Variants in PTPN1 observed in about 807,000 individuals in gnomAD.
PTPN1 encodes tyrosine-protein phosphatase non-receptor type 1.
In PTPN1, 12 loss-of-function variants were observed where a neutral mutation model predicts 59.9. The observed-to-expected ratio is 0.20, with a 90% CI of 0.13 to 0.32. The LOEUF (loss-of-function observed/expected upper bound fraction) is 0.32. Among genes scored for constraint, PTPN1 ranks in the 10% least tolerant of loss-of-function variants. The probability of loss-of-function intolerance (pLI) is 1.00; values close to 1 mark genes in which losing one functional copy is unlikely to be tolerated. For missense variants in PTPN1, 356 were observed against 549.2 expected, an observed-to-expected ratio of 0.65 and a Z score of 3.52; for synonymous variants, 178 against 203.6, an observed-to-expected ratio of 0.87 and a Z score of 1.07.
chr20:50,570,111 A>G (rs951334005), intron 4 of PTPN1, among the ~76,000 whole-genome samples: 4 of 152,262 alleles, frequency 2.6e-5, no homozygotes, highest in South Asian at 2.1e-4. Flanking sequence ...AAAAAAGCAC[A>G]GTCATGGCCC....
chr20:50,542,142 C>G (rs2082655887), intron 1 of PTPN1, among the ~76,000 whole-genome samples: 1 of 152,362 alleles, frequency 6.6e-6, no homozygotes, highest in East Asian at 1.9e-4. Flanking sequence ...GTGGTCTTCA[C>G]TCTGAAGGTG....
At chr20:50,567,191 G>C (rs1294474888) in intron 3 of PTPN1, among the ~76,000 whole-genome samples, 1 of 152,196 alleles carries the variant, frequency 6.6e-6, no homozygotes, top group Non-Finnish European at 1.5e-5. Context: ...ACTTTGGGAG[G>C]CTGAAGCAGG....
At chr20:50,512,174 C>A (rs2082510571) in intron 1 of PTPN1, among the ~76,000 whole-genome samples, 1 of 152,120 alleles carries the variant, frequency 6.6e-6, no homozygotes, top group African/African-American at 2.4e-5. Context: ...TGAATGAATT[C>A]CATAAGGGAC....
chr20:50,544,299 T>A (rs1340263009), intron 1 of PTPN1, among the ~76,000 whole-genome samples: 3 of 152,034 alleles, frequency 2.0e-5, no homozygotes, highest in Non-Finnish European at 4.4e-5. Context: ...CACAGACATG[T>A]ACCACCACAC....
In PTPN1 at chr20:50,574,621, T is replaced by C. The variant is rs773648972; in HGVS notation, c.459T>C (p.Tyr153=). The C allele has an allele frequency of 6.2e-7, 1 of 1,607,560 alleles. No individual in the cohort carries two copies. Among genetic ancestry groups the C allele is most frequent in the Non-Finnish European group, 8.5e-7 (1 of 1,178,000 alleles). ...TCTCTGAAGATATCAAGTCATATTA[T>C]ACAGTGCGACAGCTAGAATTGGAAA... ...TLISEDIKSY[Y]TVRQLELENL... Residue 153 remains tyrosine (Y), a synonymous_variant, in exon 5 of 10, where the codon TAT becomes TAC. Coordinates refer to ENST00000371621, the MANE Select transcript of PTPN1 (RefSeq NM_002827.4).
chr20:50,515,071 C>T (rs964869237), intron 1 of PTPN1, among the ~76,000 whole-genome samples: 1 of 152,240 alleles, frequency 6.6e-6, no homozygotes, highest in African/African-American at 2.4e-5. Context: ...CCCATCATCA[C>T]TAGAGTAATT....
chr20:50,579,865 G>C lies in PTPN1; in HGVS notation c.1027G>C (p.Asp343His). Residue 343 changes from aspartate (D) to histidine (H), a missense_variant, in exon 8 of 10, where the codon GAC becomes CAC. Asp to His is a moderately conservative substitution (Grantham distance 81). Transcript: ENST00000371621. ...WVKEETQEDKDCPIKEEKGSP... is the reference protein window; with the variant it reads ...WVKEETQEDKHCPIKEEKGSP... ...GAAGGAAGAGACCCAGGAGGATAAA[G>C]ACTGCCCCATCAAGGAAGAAAAAGG... 6.2e-7 allele frequency: 1 copy of C among 1,614,202 alleles called. No homozygotes were observed. The highest frequency in any genetic ancestry group is 1.1e-5 in the South Asian group (1 of 91,086).
intron 1 of PTPN1, among the ~76,000 whole-genome samples, chr20:50,519,195 G>A (rs1161497873): frequency 6.6e-6 from 1 of 152,146 alleles, no homozygotes; most frequent in African/African-American, 2.4e-5. Flanking sequence ...TGTGCACAGT[G>A]GTATTGGTAG....
chr20:50,511,966 A>T (rs948066780), intron 1 of PTPN1, among the ~76,000 whole-genome samples: 1 of 152,212 alleles, frequency 6.6e-6, no homozygotes, highest in Non-Finnish European at 1.5e-5. Flanking sequence ...TTGACTAACA[A>T]AAGCCTTTTT....
At chr20:50,560,399 T>C (rs571042890) in intron 1 of PTPN1, among the ~76,000 whole-genome samples, 1 of 152,264 alleles carries the variant, frequency 6.6e-6, no homozygotes, top group South Asian at 2.1e-4. Flanking sequence ...CTTTATCCCC[T>C]GCAGGGAATC....
chr20:50,517,153 C>T (rs950219230), intron 1 of PTPN1, among the ~76,000 whole-genome samples: 2 of 152,192 alleles, frequency 1.3e-5, no homozygotes, highest in Non-Finnish European at 2.9e-5. Flanking sequence ...AAAACTGTAG[C>T]CATCAAATCT....
intron 4 of PTPN1, 188 bp from the exon 5 acceptor site, chr20:50,574,329 G>T (rs529285292): frequency 1.8e-5 from 10 of 567,112 alleles, no homozygotes; most frequent in South Asian, 2.7e-5. Context: ...AACCTGCCCC[G>T]GTCAGCAGCT....
rs80255760 is a variant in PTPN1, at chr20:50,514,419, C to A, written c.63+3829C>A. On this transcript the variant is annotated intron_variant, in intron 1 of 9. Coordinates refer to ENST00000371621, the MANE Select transcript of PTPN1 (RefSeq NM_002827.4). ...TTTGACTTAGCTACTGAAATAACGGCCTTTTGTTGTGTGATTCTTTCCCTT... is the reference window on the plus strand; with the variant it reads ...TTTGACTTAGCTACTGAAATAACGGACTTTTGTTGTGTGATTCTTTCCCTT... 6.8e-3 allele frequency among the ~76,000 whole-genome samples: 1,035 copies of A among 152,170 alleles called. 9 individuals carry two copies. The highest frequency in any genetic ancestry group is 0.024 in the African/African-American group (996 of 41,484).
At position 50,582,871 on chromosome 20, in the gene PTPN1, C is replaced by T. The variant is rs2082876167; in HGVS notation, c.*156C>T. On this transcript the variant is annotated 3_prime_UTR_variant, in exon 10 of 10. Coordinates refer to ENST00000371621, the MANE Select transcript of PTPN1 (RefSeq NM_002827.4). The surrounding 1 kb of genome is among the most constrained non-coding windows in gnomAD (Gnocchi z 4.2). ...TGGTTCTGCACTAAAACCCATCTTCCCCGGATGTGTGTCTCACCCCTCATC... is the reference window on the plus strand; with the variant it reads ...TGGTTCTGCACTAAAACCCATCTTCTCCGGATGTGTGTCTCACCCCTCATC... 1.2e-6 allele frequency: 1 copy of T among 809,598 alleles called. No individual in the cohort carries two copies. Among genetic ancestry groups the T allele is most frequent in the Admixed American group, 2.3e-5 (1 of 43,394 alleles). 50.2% of individuals were successfully genotyped at this position (809,598 alleles called of 1,614,324 possible).
intron 4 of PTPN1, among the ~76,000 whole-genome samples, chr20:50,569,524 T>C (rs2082796251): frequency 6.6e-6 from 1 of 151,874 alleles, no homozygotes; most frequent in African/African-American, 2.4e-5. Context: ...GTGTAGACTG[T>C]CCTGTGTAGA....
intron 1 of PTPN1, among the ~76,000 whole-genome samples, chr20:50,556,873 AGGCAGAG>A (rs2082728198): frequency 6.6e-6 from 1 of 152,224 alleles, no homozygotes; most frequent in East Asian, 1.9e-4. Flanking sequence ...TCAACCCGGG[AGGCAGAG>A]GTTGTGGTGA....
At chr20:50,553,138 C>G (rs962728000) in intron 1 of PTPN1, among the ~76,000 whole-genome samples, 2 of 152,152 alleles carry the variant, frequency 1.3e-5, no homozygotes. Context: ...ATATTCAAAA[C>G]AGTGCCTGAC....
At chr20:50,560,465 G>A (rs2082746960) in intron 1 of PTPN1, among the ~76,000 whole-genome samples, 1 of 152,100 alleles carries the variant, frequency 6.6e-6, no homozygotes. Context: ...AATCTGGAGT[G>A]GAAATCTCGG....
At chr20:50,573,448 T>TC (rs2082820898) in intron 4 of PTPN1, 1 of 152,300 alleles carries the variant, frequency 6.6e-6, no homozygotes, top group East Asian at 1.9e-4. Context: ...CCCTCAGCCC[T>TC]CCCCCATAGT....
Sources: gnomAD v4.1 joint callset for allele counts (sites outside exome capture counted in the v4.1 genomes callset) on GRCh38, gnomAD v4.1.1 for gene constraint, Gnocchi (gnomAD v3.1) non-coding constraint, MANE v1.5 for transcripts, NCBI Gene and HGNC (gene_info 2026-07-23, HGNC 2026-07-21) for gene names.